Variants in ABCA4 observed in about 807,000 individuals in gnomAD.
ABCA4 encodes retinal-specific phospholipid-transporting ATPase ABCA4.
Under a neutral mutation model 263.7 loss-of-function variants are expected in ABCA4, and 196 were observed. That is an observed-to-expected ratio of 0.74 (90% CI 0.66 to 0.84). The LOEUF is 0.84. ABCA4 is among the 40% of genes least tolerant of loss of function. The pLI, the probability that ABCA4 is intolerant of heterozygous loss-of-function variation, is 0.00. For missense variants in ABCA4, 2,792 were observed against 2,855.1 expected (o/e 0.98, Z 0.50); for synonymous variants, 1,133 against 1,094.2 (o/e 1.04, Z -0.70).
chr1:94,056,427 G>T (rs867183839), intron 15 of ABCA4, among the ~76,000 whole-genome samples, 174 bp downstream of exon 15: 1 of 152,160 alleles, frequency 6.6e-6, no homozygotes, highest in Non-Finnish European at 1.5e-5. Context: ...TGCATCGCTC[G>T]GGGTGAGGAC....
At chr1:94,022,016 C>A (rs546975837) in intron 32 of ABCA4, 65 bp from the exon 33 acceptor site, 37 of 1,377,960 alleles carry the variant, frequency 2.7e-5, no homozygotes, top group Non-Finnish European at 3.3e-5. Context: ...GTAGCTCTCT[C>A]GGGTTTTGTA....
Position 94,103,148 on chromosome 1 carries a change from T to C in ABCA4, c.443-6A>G. 6.2e-7 allele frequency: 1 copy of C among 1,613,730 alleles called. No homozygotes were observed. ...CCTTATTCGTATTCCTCTTCCTACA[T>C]ATGAATAAGAGAAAGAACAGGGTGT... On this transcript the variant is annotated splice_region_variant and splice_polypyrimidine_tract_variant and intron_variant, in intron 4 of 49. Coordinates refer to ENST00000370225, the MANE Select transcript of ABCA4 (RefSeq NM_000350.3).
intron 9 of ABCA4, 32 bp downstream of exon 9, chr1:94,079,290 G>C (rs749248537): frequency 1.9e-6 from 3 of 1,613,532 alleles, no homozygotes; most frequent in Non-Finnish European, 2.5e-6. Flanking sequence ...GGAGGTCCAG[G>C]GTACACAAGG....
At position 94,031,043 on chromosome 1, in the gene ABCA4, A is replaced by AG. The variant is rs2101035787; in HGVS notation, c.4205dup (p.Leu1403PhefsTer19). On this transcript the variant is annotated frameshift_variant, in exon 28 of 50. Coordinates refer to ENST00000370225, the MANE Select transcript of ABCA4 (RefSeq NM_000350.3). LOFTEE classifies it high-confidence loss of function. ...CATATATCCAGGGGTGAAGGGTCAA[A>AG]GCGGGGTATTCGCCAAAAGGAGGGA... 1 of 1,614,172 alleles carries AG rather than the reference A, an allele frequency of 6.2e-7. No homozygotes were observed. Among genetic ancestry groups the AG allele is most frequent in the Non-Finnish European group, 8.5e-7 (1 of 1,180,030 alleles).
intron 17 of ABCA4, among the ~76,000 whole-genome samples, 159 bp downstream of exon 17, chr1:94,051,474 C>T (rs1196167424): frequency 9.9e-5 from 15 of 152,220 alleles, no homozygotes; most frequent in Admixed American, 1.3e-4. Context: ...GTCCCCCAGA[C>T]GCTGCAATGC....
chr1:94,072,768 A>T lies in ABCA4; in HGVS notation c.1554+4922T>A, dbSNP rs374255199. On this transcript the variant is annotated intron_variant, in intron 11 of 49. Coordinates refer to ENST00000370225, the MANE Select transcript of ABCA4 (RefSeq NM_000350.3). ...CCCATGAGTGATGTGAGGCTCCCCA[A>T]ACCACCATCATCTATTTTCCTACTC... 1.4e-4 allele frequency among the ~76,000 whole-genome samples: 21 copies of T among 152,280 alleles called. 1 individual carries two copies. Among genetic ancestry groups the T allele is most frequent in the Admixed American group, 7.9e-4 (12 of 15,282 alleles).
rs749539936 is a variant in ABCA4, at chr1:93,996,091, C to T, written c.6816+18G>A. 1 of 1,611,640 alleles carries T rather than the reference C, an allele frequency of 6.2e-7. No homozygotes were observed. Among genetic ancestry groups the T allele is most frequent in the South Asian group, 1.1e-5 (1 of 91,044 alleles). ...AGGAACTGCCTCAAGCTGTGGACTGCATAAGCAGCAGGGGTACCTGGGCTT... is the reference window on the plus strand; with the variant it reads ...AGGAACTGCCTCAAGCTGTGGACTGTATAAGCAGCAGGGGTACCTGGGCTT... On this transcript the variant is annotated intron_variant, in intron 49 of 49. Transcript: ENST00000370225.
chr1:94,019,019 G>GTTTTTTTTTTTTTTTTTT (rs757258025), intron 36 of ABCA4, among the ~76,000 whole-genome samples: 1 of 76,436 alleles, frequency 1.3e-5, no homozygotes, highest in African/African-American at 6.2e-5. Flanking sequence ...AAACAACCAG[G>GTTTTTTTTTTTTTTTTTT]TTTTTTTTTT....
intron 19 of ABCA4, among the ~76,000 whole-genome samples, chr1:94,046,280 TAAA>T (rs11289565): frequency 0.045 from 3,451 of 77,040 alleles, 69 homozygotes; most frequent in Non-Finnish European, 0.059. Flanking sequence ...CTGTCTGTAC[TAAA>T]AAAAAAAAAA....
intron 42 of ABCA4, 90 bp downstream of exon 42, chr1:94,008,145 C>G: frequency 8.4e-7 from 1 of 1,189,554 alleles, no homozygotes; most frequent in East Asian, 2.3e-5. Flanking sequence ...CATTATGTTC[C>G]TATTGAATAG....
intron 1 of ABCA4, among the ~76,000 whole-genome samples, chr1:94,118,021 T>C (rs1390726338): frequency 1.3e-5 from 2 of 152,316 alleles, no homozygotes; most frequent in African/African-American, 2.4e-5. Context: ...ACCAGACTAT[T>C]GGATAGATCT....
chr1:94,103,493 C>T (rs937018926), intron 4 of ABCA4, among the ~76,000 whole-genome samples: 3 of 152,160 alleles, frequency 2.0e-5, no homozygotes, highest in Non-Finnish European at 4.4e-5. Flanking sequence ...TTGGCAAGAT[C>T]TAAAGACATT....
At chr1:94,113,137 GAC>G in intron 1 of ABCA4, 71 bp from the exon 2 acceptor site, 3 of 1,409,580 alleles carry the variant, frequency 2.1e-6, no homozygotes, top group Non-Finnish European at 3.0e-6. Flanking sequence ...AACCAGAGCA[GAC>G]ACAGCCCTCC....
In ABCA4 at chr1:94,013,943, CAG is replaced by C. The variant is rs373349053; in HGVS notation, c.5460+598_5460+599del. Among the ~76,000 whole-genome samples the C allele has an allele frequency of 3.3e-4, 50 of 152,278 alleles. 2 individuals carry two copies. In the South Asian group the frequency reaches 5.6e-3, roughly 17 times the overall value. On this transcript the variant is annotated intron_variant, in intron 38 of 49. Transcript: ENST00000370225. ...AGAAGAGAACTGCATGAGTGGGAAA[CAG>C]GGGTAGGAAGGAGATTTTTTCATTG...
intron 38 of ABCA4, 152 bp from the exon 39 acceptor site, chr1:94,011,537 TC>T: frequency 1.5e-6 from 2 of 1,295,332 alleles, no homozygotes; most frequent in Non-Finnish European, 2.2e-6. Flanking sequence ...GAGGGATTTG[TC>T]CAGCAGAGCA....
At chr1:94,083,289 A>T in intron 7 of ABCA4, 63 bp downstream of exon 7, 1 of 1,308,728 alleles carries the variant, frequency 7.6e-7, no homozygotes. Flanking sequence ...ATTATTTGAC[A>T]TAAGTGGGGT....
chr1:94,085,312 C>T (rs1053731392), intron 6 of ABCA4, among the ~76,000 whole-genome samples: 4 of 152,136 alleles, frequency 2.6e-5, no homozygotes, highest in Admixed American at 2.6e-4. Flanking sequence ...GGTGATAGAT[C>T]CATGGGAGCT....
At chr1:94,025,135 T>C in intron 30 of ABCA4, 87 bp from the exon 31 acceptor site, 2 of 1,078,272 alleles carry the variant, frequency 1.9e-6, no homozygotes, top group South Asian at 2.5e-5. Context: ...CTTCCAAAAA[T>C]TATTTATGGA....
At chr1:94,010,967 C>A in intron 39 of ABCA4, 38 bp from the exon 40 acceptor site, 1 of 1,613,858 alleles carries the variant, frequency 6.2e-7, no homozygotes, top group Non-Finnish European at 8.5e-7. Context: ...TTCAGCCGCC[C>A]CAGCTCACCC....
Sources: allele counts gnomAD v4.1 joint callset (sites outside exome capture counted in the v4.1 genomes callset), GRCh38; gene constraint gnomAD v4.1.1; transcripts MANE v1.5; gene names NCBI Gene and HGNC (gene_info 2026-07-23, HGNC 2026-07-21).